The following FAM3B variants were observed in gnomAD, a reference collection of about 807,000 sequenced individuals.
FAM3B encodes the protein protein FAM3B.
In FAM3B, 29 loss-of-function variants were observed where a neutral mutation model predicts 28.4. The observed-to-expected ratio is 1.02, with a 90% confidence interval of 0.76 to 1.39. The LOEUF is 1.39. FAM3B is among the 40% of genes most tolerant of loss of function. The probability of loss-of-function intolerance (pLI) is 0.00; values close to 1 mark genes in which losing one functional copy is unlikely to be tolerated. For synonymous variants in FAM3B, 91 were observed against 103.0 expected (o/e 0.88, Z 0.71); for missense variants, 266 against 293.9 (o/e 0.91, Z 0.69).
At chr21:41,332,131 T>C (rs1281970271) in intron 2 of FAM3B, among the ~76,000 whole-genome samples, 3 of 152,166 alleles carry the variant, frequency 2.0e-5, no homozygotes, top group Non-Finnish European at 2.9e-5. Flanking sequence ...CATTTAAAAG[T>C]GTGTGGCATC....
intron 2 of FAM3B, among the ~76,000 whole-genome samples, chr21:41,328,863 G>A (rs1002706705): frequency 5.9e-5 from 9 of 152,236 alleles, no homozygotes; most frequent in South Asian, 2.1e-4. Flanking sequence ...TACTGGGGAC[G>A]GAGGACTGTG....
intron 7 of FAM3B, among the ~76,000 whole-genome samples, chr21:41,356,311 G>A (rs1186852875): frequency 6.6e-6 from 1 of 152,092 alleles, no homozygotes; most frequent in Non-Finnish European, 1.5e-5. Flanking sequence ...TTTACATGTA[G>A]CATACCTAAC....
intron 7 of FAM3B, among the ~76,000 whole-genome samples, chr21:41,356,040 TACAC>T (rs59345837): frequency 0.024 from 2,918 of 119,928 alleles, 39 homozygotes; most frequent in Non-Finnish European, 0.031. Context: ...AAAAAATACA[TACAC>T]ACACACACAC....
chr21:41,352,116 T>A (rs2089125755), intron 7 of FAM3B, among the ~76,000 whole-genome samples: 1 of 152,190 alleles, frequency 6.6e-6, no homozygotes, highest in Admixed American at 6.5e-5. Context: ...CAGACCCTTG[T>A]CTTCAGCCCC....
At chr21:41,311,251 A>AAAATATATAT (rs1555866518) in intron 1 of FAM3B, among the ~76,000 whole-genome samples, 8 of 35,066 alleles carry the variant, frequency 2.3e-4, no homozygotes, top group Non-Finnish European at 3.3e-4. Context: ...AAAAAAAAAA[A>AAAATATATAT]ATATATATAT....
At chr21:41,316,670 C>T (rs2088751253), upstream of FAM3B, 2 of 401,834 alleles carry the variant, frequency 5.0e-6, no homozygotes, top group Non-Finnish European at 8.7e-6. Flanking sequence ...CAGCCCGGGG[C>T]ACAGCCCCGC....
exon 1 of FAM3B, chr21:41,304,308 T>C (rs931838276): frequency 4.4e-6 from 2 of 455,866 alleles, no homozygotes; most frequent in Non-Finnish European, 8.8e-6. Context: ...AGCCCGAGAC[T>C]GGGTGAGAGG....
chr21:41,345,075 C>T (rs552028528), intron 4 of FAM3B, among the ~76,000 whole-genome samples: 9 of 152,200 alleles, frequency 5.9e-5, no homozygotes, highest in Admixed American at 1.3e-4. Context: ...AGCCCCGAGA[C>T]GTGAGGGCTG....
intron 2 of FAM3B, among the ~76,000 whole-genome samples, chr21:41,324,952 A>C (rs1451540680): frequency 1.3e-5 from 2 of 152,126 alleles, no homozygotes; most frequent in Non-Finnish European, 2.9e-5. Context: ...AAATACAAAA[A>C]TTAGCTGGAC....
intron 4 of FAM3B, among the ~76,000 whole-genome samples, chr21:41,344,863 C>G (rs953308111): frequency 2.0e-5 from 3 of 152,222 alleles, no homozygotes; most frequent in African/African-American, 7.2e-5. Context: ...CATTTGCTCC[C>G]AGAGTCCCAG....
intron 3 of FAM3B, among the ~76,000 whole-genome samples, chr21:41,339,402 T>G (rs2088984157): frequency 2.0e-5 from 3 of 152,152 alleles, no homozygotes; most frequent in African/African-American, 7.2e-5. Flanking sequence ...AAAGAGAGAG[T>G]TCCTTAATGG....
In FAM3B at chr21:41,322,595, T is replaced by C. The variant is rs1373113991; in HGVS notation, c.20-328T>C. On this transcript the variant is annotated intron_variant, in intron 1 of 7. Coordinates refer to ENST00000357985, the MANE Select transcript of FAM3B (RefSeq NM_058186.4). ...GCGCTTTTGTTTTTTCAGGTTCACG[T>C]TGGGCATGCTGGCTCACAAGGTGCT... 4 of 717,208 alleles carry C rather than the reference T, an allele frequency of 5.6e-6. No homozygotes were observed. The East Asian group carries it at 8.0e-5, about 14-fold the overall frequency. The allele number at this position is 717,208 out of a possible 1,614,324, so 44.4% of individuals were successfully genotyped here. A position where few individuals can be genotyped will look rare whatever the true frequency, so the allele number is the denominator to read the frequency against.
At chr21:41,353,725 T>C (rs555838381) in intron 7 of FAM3B, among the ~76,000 whole-genome samples, 2 of 152,236 alleles carry the variant, frequency 1.3e-5, no homozygotes, top group Non-Finnish European at 2.9e-5. Context: ...AACAGAGGCA[T>C]AAATTTTTGT....
intron 1 of FAM3B, among the ~76,000 whole-genome samples, chr21:41,306,152 GCAGCAATT>G (rs1425524290): frequency 6.6e-6 from 1 of 152,152 alleles, no homozygotes; most frequent in Non-Finnish European, 1.5e-5. Flanking sequence ...TCATGAGATT[GCAGCAATT>G]CAGTCACATC....
chr21:41,340,374 G>A (rs990998088), intron 3 of FAM3B, among the ~76,000 whole-genome samples: 1 of 152,000 alleles, frequency 6.6e-6, no homozygotes, highest in Non-Finnish European at 1.5e-5. Context: ...GGATGGTCTC[G>A]ATCTCTTGAC....
chr21:41,308,331 G>A (rs1023625227), intron 1 of FAM3B, among the ~76,000 whole-genome samples: 2 of 151,688 alleles, frequency 1.3e-5, no homozygotes, highest in East Asian at 1.9e-4. Context: ...GGCTCAGAGA[G>A]GTTAAATGGC....
At chr21:41,323,161 T>A in intron 2 of FAM3B, 95 bp downstream of exon 2, 2 of 1,335,998 alleles carry the variant, frequency 1.5e-6, no homozygotes, top group African/African-American at 1.4e-5. Context: ...TGGGGGGCCC[T>A]GACGGCTTTA....
chr21:41,307,804 A>T (rs552111756), intron 1 of FAM3B, among the ~76,000 whole-genome samples: 11 of 152,306 alleles, frequency 7.2e-5, no homozygotes, highest in African/African-American at 2.2e-4. Context: ...AATAGTCACA[A>T]TAGTAACATC....
At chr21:41,304,257 G>T (rs1456477759) in exon 1 of FAM3B, 1 of 456,108 alleles carries the variant, frequency 2.2e-6, no homozygotes, top group East Asian at 7.0e-5. Context: ...GGCATGGCTG[G>T]GGCACCCTGG....
Sources: allele counts gnomAD v4.1 joint callset (sites outside exome capture counted in the v4.1 genomes callset), GRCh38; gene constraint gnomAD v4.1.1; transcripts MANE v1.5; gene names NCBI Gene and HGNC (gene_info 2026-07-23, HGNC 2026-07-21).